Variants in FRS2 observed in about 807,000 individuals in gnomAD.
FRS2 encodes FGFR signalling adaptor.
A neutral mutation model predicts 43.9 loss-of-function variants in FRS2; 8 were observed. The observed-to-expected ratio is 0.18, with a 90% CI of 0.11 to 0.33. The LOEUF is 0.33. Ranked by LOEUF, FRS2 falls within the 10% of genes least tolerant of loss-of-function variation. The pLI is 1.00. For synonymous variants in FRS2, 219 were observed against 220.3 expected, an observed-to-expected ratio of 0.99 and a Z score of 0.05; for missense variants, 534 against 627.6, an observed-to-expected ratio of 0.85 and a Z score of 1.59.
chr12:69,565,684 T>C (rs2135790711), intron 4 of FRS2, among the ~76,000 whole-genome samples: 1 of 152,282 alleles, frequency 6.6e-6, no homozygotes, highest in Admixed American at 6.5e-5. Context: ...AAATCATCCA[T>C]ATCACGGTCT....
chr12:69,486,398 C>T (rs917103865), intron 1 of FRS2: 1 of 152,096 alleles, frequency 6.6e-6, no homozygotes, highest in African/African-American at 2.4e-5. Flanking sequence ...CAAACTGTGC[C>T]CATATAGGAT....
intron 1 of FRS2, among the ~76,000 whole-genome samples, chr12:69,514,099 C>A (rs867634899): frequency 6.6e-6 from 1 of 151,900 alleles, no homozygotes; most frequent in African/African-American, 2.4e-5. Flanking sequence ...GATTTCGCCC[C>A]TGCATGATGT....
At chr12:69,570,232 GATGA>G in intron 5 of FRS2, 95 bp from the exon 6 acceptor site, 1 of 856,256 alleles carries the variant, frequency 1.2e-6, no homozygotes, top group Admixed American at 1.8e-5. Flanking sequence ...CACATTGGTT[GATGA>G]ATGAACTAAC....
intron 1 of FRS2, among the ~76,000 whole-genome samples, chr12:69,521,151 T>G (rs11177701): frequency 0.06 from 9,121 of 152,194 alleles, 587 homozygotes; most frequent in East Asian, 0.37. Context: ...GGTATTTTTT[T>G]TGTGTGTGTG....
intron 3 of FRS2, among the ~76,000 whole-genome samples, chr12:69,545,772 A>ACC (rs200106263): frequency 6.8e-6 from 1 of 146,952 alleles, no homozygotes; most frequent in Non-Finnish European, 1.5e-5. Flanking sequence ...AAAAAAAAAA[A>ACC]AAAAAACAAA....
chr12:69,470,655 A>T (rs1253108865), intron 1 of FRS2, 125 bp downstream of exon 1: 7 of 144,028 alleles, frequency 4.9e-5, no homozygotes, highest in Non-Finnish European at 7.5e-5. Flanking sequence ...GGGGAAGGGG[A>T]TTGTCGACCG....
intron 1 of FRS2, among the ~76,000 whole-genome samples, chr12:69,472,448 T>A (rs984732236): frequency 2.6e-5 from 4 of 152,122 alleles, no homozygotes; most frequent in African/African-American, 9.7e-5. Flanking sequence ...ACATGTGAAG[T>A]ACTTAATTAT....
At chr12:69,508,881 T>C (rs1874200382) in intron 1 of FRS2, among the ~76,000 whole-genome samples, 2 of 152,216 alleles carry the variant, frequency 1.3e-5, no homozygotes, top group Admixed American at 6.5e-5. Flanking sequence ...TTATACATAC[T>C]TCCCTTTTTC....
At chr12:69,554,097 G>A (rs1879140946) in intron 3 of FRS2, among the ~76,000 whole-genome samples, 1 of 152,146 alleles carries the variant, frequency 6.6e-6, no homozygotes, top group African/African-American at 2.4e-5. Context: ...CTTGGCCACT[G>A]TGTTCTTCAC....
At chr12:69,557,619 T>TGTGCGC (rs1555192498) in intron 3 of FRS2, among the ~76,000 whole-genome samples, 10,844 of 118,612 alleles carry the variant, frequency 0.091, 431 homozygotes, top group Non-Finnish European at 0.1. Flanking sequence ...TGTGTGTGTG[T>TGTGCGC]GCGCGCGCGC....
At chr12:69,540,721 G>A (rs1877828473) in intron 3 of FRS2, among the ~76,000 whole-genome samples, 1 of 152,192 alleles carries the variant, frequency 6.6e-6, no homozygotes, top group Admixed American at 6.5e-5. Flanking sequence ...CTTCCAAGAA[G>A]TGCAGAAGAG....
intron 1 of FRS2, among the ~76,000 whole-genome samples, chr12:69,510,834 A>T (rs947838392): frequency 2.0e-5 from 3 of 152,142 alleles, no homozygotes; most frequent in African/African-American, 4.8e-5. Flanking sequence ...TCTTTATGGG[A>T]TACCTGCTAT....
chr12:69,505,652 T>G (rs887710080), intron 1 of FRS2, among the ~76,000 whole-genome samples: 9 of 152,222 alleles, frequency 5.9e-5, no homozygotes, highest in Non-Finnish European at 1.2e-4. Flanking sequence ...AGCATCTCAT[T>G]TCCAATTTGA....
At chr12:69,514,099 C>T (rs867634899) in intron 1 of FRS2, among the ~76,000 whole-genome samples, 15 of 152,018 alleles carry the variant, frequency 9.9e-5, no homozygotes, top group Admixed American at 7.2e-4. Flanking sequence ...GATTTCGCCC[C>T]TGCATGATGT....
chr12:69,506,468 T>C (rs564772799), intron 1 of FRS2, among the ~76,000 whole-genome samples: 1 of 152,292 alleles, frequency 6.6e-6, no homozygotes, highest in South Asian at 2.1e-4. Flanking sequence ...AGTACTGATA[T>C]GTATTCTGTT....
At chr12:69,521,083 AG>A (rs1400176750) in intron 1 of FRS2, among the ~76,000 whole-genome samples, 1 of 152,096 alleles carries the variant, frequency 6.6e-6, no homozygotes, top group Non-Finnish European at 1.5e-5. Flanking sequence ...TTCTTTGAGC[AG>A]TGTTTTGTAA....
chr12:69,526,498 A>C (rs773033473), intron 1 of FRS2, among the ~76,000 whole-genome samples: 1 of 152,216 alleles, frequency 6.6e-6, no homozygotes, highest in South Asian at 2.1e-4. Flanking sequence ...ATAAAATCAG[A>C]TGCTATTGAG....
intron 1 of FRS2, among the ~76,000 whole-genome samples, chr12:69,513,975 C>T (rs1874725999): frequency 6.6e-6 from 1 of 151,956 alleles, no homozygotes; most frequent in Non-Finnish European, 1.5e-5. Context: ...AAATAAAATT[C>T]GAAGTCTTCC....
At chr12:69,547,650 A>G (rs1565764873) in intron 3 of FRS2, among the ~76,000 whole-genome samples, 1 of 152,080 alleles carries the variant, frequency 6.6e-6, no homozygotes, top group South Asian at 2.1e-4. Context: ...CTATTTGTAA[A>G]TTTCTTTCAG....
Sources: gnomAD v4.1 joint callset for allele counts (sites outside exome capture counted in the v4.1 genomes callset) on GRCh38, gnomAD v4.1.1 for gene constraint, MANE v1.5 for transcripts, NCBI Gene and HGNC (gene_info 2026-07-23, HGNC 2026-07-21) for gene names.